Variants in WNT2 observed in about 807,000 individuals in gnomAD.
WNT2 encodes protein Wnt-2.
A neutral mutation model predicts 36.9 loss-of-function variants in WNT2; 12 were observed. The ratio of observed to expected loss-of-function variants is 0.33; its 90% CI spans 0.21 to 0.53. WNT2 has a LOEUF of 0.53. Among genes scored for constraint, WNT2 ranks in the 20% least tolerant of loss-of-function variants. The pLI is 0.95. For missense variants in WNT2, 379 were observed against 473.1 expected (o/e 0.80, Z 1.84); for synonymous variants, 163 against 174.6 (o/e 0.93, Z 0.52).
intron 3 of WNT2, among the ~76,000 whole-genome samples, chr7:117,308,135 A>G (rs1444633552): frequency 6.6e-6 from 1 of 152,220 alleles, no homozygotes; most frequent in Non-Finnish European, 1.5e-5. Context: ...AGTTACTGAA[A>G]ATTGGGCCAA....
At chr7:117,306,189 C>T (rs1417673671) in intron 3 of WNT2, among the ~76,000 whole-genome samples, 1 of 152,072 alleles carries the variant, frequency 6.6e-6, no homozygotes, top group East Asian at 1.9e-4. Context: ...TTCTTATTGT[C>T]AATTTAAACC....
rs1210845142 is a variant in WNT2, at chr7:117,277,790, T to C, written c.*365A>G. 4 of 220,786 alleles carry C rather than the reference T, an allele frequency of 1.8e-5. No homozygotes were observed. Among genetic ancestry groups the C allele is most frequent in the Admixed American group, 1.5e-4 (3 of 19,524 alleles). The allele number at this position is 220,786 out of a possible 1,614,324, so 13.7% of individuals were successfully genotyped here. A position where few individuals can be genotyped will look rare whatever the true frequency, so the allele number is the denominator to read the frequency against. ...TGGGAAGACATTGAGAAAGCTCCTTTGAGACACTTTTTTTTCTGCTTGGCC... is the reference window on the plus strand; with the variant it reads ...TGGGAAGACATTGAGAAAGCTCCTTCGAGACACTTTTTTTTCTGCTTGGCC... On this transcript the variant is annotated 3_prime_UTR_variant, in exon 5 of 5. Transcript: ENST00000265441.
At chr7:117,314,582 G>A (rs936490277) in intron 3 of WNT2, among the ~76,000 whole-genome samples, 7 of 152,224 alleles carry the variant, frequency 4.6e-5, no homozygotes, top group African/African-American at 1.7e-4. Flanking sequence ...GCTTTTATGA[G>A]TGAGACTTGG....
At chr7:117,294,593 T>TAAAAAAAAAA (rs5886850) in intron 4 of WNT2, among the ~76,000 whole-genome samples, 1 of 128,418 alleles carries the variant, frequency 7.8e-6, no homozygotes. Flanking sequence ...AACTGGCAAC[T>TAAAAAAAAAA]AAAAAAAAAA....
At chr7:117,282,685 C>T (rs78881013) in intron 4 of WNT2, among the ~76,000 whole-genome samples, 2 of 152,024 alleles carry the variant, frequency 1.3e-5, no homozygotes, top group African/African-American at 2.4e-5. Context: ...CAAGGGGTTT[C>T]AACTTGACCT....
At chr7:117,314,347 C>T (rs952561470) in intron 3 of WNT2, among the ~76,000 whole-genome samples, 2 of 152,190 alleles carry the variant, frequency 1.3e-5, no homozygotes, top group Non-Finnish European at 2.9e-5. Context: ...CCCTGGACTA[C>T]GTGTTGAAAC....
intron 3 of WNT2, among the ~76,000 whole-genome samples, chr7:117,303,834 G>T (rs545853330): frequency 6.6e-6 from 1 of 152,022 alleles, no homozygotes; most frequent in Non-Finnish European, 1.5e-5. Flanking sequence ...GTGTTTTCTC[G>T]TTCTATTTGC....
intron 4 of WNT2, among the ~76,000 whole-genome samples, chr7:117,292,964 T>G (rs1794718635): frequency 6.6e-6 from 1 of 151,986 alleles, no homozygotes; most frequent in Non-Finnish European, 1.5e-5. Context: ...AACTTTGAGG[T>G]GTTTAAGTTT....
intron 2 of WNT2, among the ~76,000 whole-genome samples, chr7:117,319,343 C>A (rs995656816): frequency 6.6e-6 from 1 of 152,100 alleles, no homozygotes; most frequent in Non-Finnish European, 1.5e-5. Context: ...TGCAGAATAT[C>A]GCAGTAAATT....
chr7:117,315,447 C>A (rs1584696081), intron 2 of WNT2, 99 bp from the exon 3 acceptor site: 3 of 1,279,654 alleles, frequency 2.3e-6, no homozygotes, highest in East Asian at 2.5e-5. Flanking sequence ...TTCAGACAAC[C>A]TTTGCCACTA....
chr7:117,316,966 A>T (rs1268533568), intron 2 of WNT2, among the ~76,000 whole-genome samples: 6 of 152,366 alleles, frequency 3.9e-5, no homozygotes, highest in Non-Finnish European at 8.8e-5. Flanking sequence ...GCTTTCAGAT[A>T]AATTAAACTT....
chr7:117,280,002 C>T (rs1794453302), intron 4 of WNT2, among the ~76,000 whole-genome samples: 1 of 152,046 alleles, frequency 6.6e-6, no homozygotes, highest in African/African-American at 2.4e-5. Context: ...TGTTGCCCTG[C>T]CTGTTCGGGA....
At chr7:117,279,055 G>A (rs1369265813) in intron 4 of WNT2, among the ~76,000 whole-genome samples, 1 of 152,208 alleles carries the variant, frequency 6.6e-6, no homozygotes, top group Non-Finnish European at 1.5e-5. Context: ...GCGAAGCCAG[G>A]ATTCAAGGCC....
rs113038534 is a variant in WNT2, at chr7:117,281,701, C to T, written c.854-3317G>A. On this transcript the variant is annotated intron_variant, in intron 4 of 4. Transcript: ENST00000265441. ...GGAATACTTCAGACAAGAGATATTG[C>T]GTGAAGAAACAAGCAGAACAAATAC... Among the ~76,000 whole-genome samples the T allele has an allele frequency of 1.3e-3, 202 of 151,932 alleles. 1 individual carries two copies. Among genetic ancestry groups the T allele is most frequent in the African/African-American group, 4.0e-3 (166 of 41,400 alleles).
intron 3 of WNT2, among the ~76,000 whole-genome samples, chr7:117,310,482 C>T (rs1050744398): frequency 1.3e-5 from 2 of 149,390 alleles, no homozygotes; most frequent in African/African-American, 2.5e-5. Flanking sequence ...GCTACTGAGA[C>T]TGAGGTGGGA....
chr7:117,318,207 A>G (rs1268337134), intron 2 of WNT2, among the ~76,000 whole-genome samples: 1 of 152,178 alleles, frequency 6.6e-6, no homozygotes, highest in African/African-American at 2.4e-5. Context: ...CTATGAGCAT[A>G]TTTAGGTGTC....
intron 4 of WNT2, among the ~76,000 whole-genome samples, chr7:117,296,870 G>A (rs1288631280): frequency 1.3e-5 from 2 of 152,184 alleles, no homozygotes; most frequent in African/African-American, 2.4e-5. Context: ...AGCCAAGAGA[G>A]TGGGGATACA....
chr7:117,291,335 A>G (rs1794686175), intron 4 of WNT2, among the ~76,000 whole-genome samples: 1 of 152,078 alleles, frequency 6.6e-6, no homozygotes, highest in South Asian at 2.1e-4. Flanking sequence ...TGGAGAGGAG[A>G]CCTCAGGGTG....
At chr7:117,306,321 G>A (rs74388772) in intron 3 of WNT2, among the ~76,000 whole-genome samples, 1,989 of 152,322 alleles carry the variant, frequency 0.013, 38 homozygotes, top group African/African-American at 0.039. Context: ...GACAAGGACT[G>A]TGAGGGGAGA....
Sources: gnomAD v4.1 joint callset for allele counts (sites outside exome capture counted in the v4.1 genomes callset) on GRCh38, gnomAD v4.1.1 for gene constraint, MANE v1.5 for transcripts, NCBI Gene and HGNC (gene_info 2026-07-23, HGNC 2026-07-21) for gene names.